The following LSAMP variants were observed in gnomAD, a reference collection of about 807,000 sequenced individuals.
LSAMP encodes the protein limbic system-associated membrane protein.
Under a neutral mutation model 38.6 loss-of-function variants are expected in LSAMP, and 7 were observed. That is an observed-to-expected ratio of 0.18 (90% CI 0.10 to 0.34). LSAMP has a LOEUF of 0.34. Ranked by LOEUF, LSAMP falls within the 10% of genes least tolerant of loss-of-function variation. The probability of loss-of-function intolerance (pLI) is 1.00; values close to 1 mark genes in which losing one functional copy is unlikely to be tolerated. For missense variants in LSAMP, 313 were observed against 420.0 expected, an observed-to-expected ratio of 0.75 and a Z score of 2.23; for synonymous variants, 154 against 166.8, an observed-to-expected ratio of 0.92 and a Z score of 0.59.
intron 3 of LSAMP, among the ~76,000 whole-genome samples, chr3:115,991,791 GA>G (rs11348679): frequency 0.033 from 4,987 of 152,172 alleles, 246 homozygotes; most frequent in African/African-American, 0.11. Flanking sequence ...CTGTTACTAT[GA>G]AAGCAATGCC....
At chr3:115,888,631 G>A (rs112144221) in intron 3 of LSAMP, among the ~76,000 whole-genome samples, 9 of 152,026 alleles carry the variant, frequency 5.9e-5, no homozygotes, top group African/African-American at 2.2e-4. Flanking sequence ...TTTTCTCTGA[G>A]AACCAGACTT....
At chr3:116,114,646 C>T (rs1041738743) in intron 1 of LSAMP, among the ~76,000 whole-genome samples, 1 of 152,136 alleles carries the variant, frequency 6.6e-6, no homozygotes, top group Non-Finnish European at 1.5e-5. Context: ...AAGAGAAATA[C>T]TAACGTTGCT....
chr3:116,016,719 G>A lies in LSAMP; in HGVS notation c.514+2796C>T, dbSNP rs374451626. ...TTTGTAAATGAATGAGCATGGCTGG[G>A]TTGCAGTAAAACTTTATGTGTGTAC... On this transcript the variant is annotated intron_variant, in intron 3 of 6. Transcript: ENST00000490035. Among the ~76,000 whole-genome samples, 4 of 152,274 alleles carry A rather than the reference G, an allele frequency of 2.6e-5. 1 individual carries two copies. Among genetic ancestry groups the A allele is most frequent in the East Asian group, 1.9e-4 (1 of 5,186 alleles).
At chr3:116,444,368 G>A (rs1027835325) in intron 1 of LSAMP, among the ~76,000 whole-genome samples, 4 of 95,596 alleles carry the variant, frequency 4.2e-5, no homozygotes, top group Admixed American at 1.1e-4. Context: ...GTGTGTGTAT[G>A]TGTGTGTGTG....
chr3:116,019,161 G>T (rs113033296), intron 3 of LSAMP, among the ~76,000 whole-genome samples: 58,584 of 134,832 alleles, frequency 0.43, 13,263 homozygotes, highest in African/African-American at 0.52. Flanking sequence ...TGTGGGTGGG[G>T]GGGGGGGGGC....
At chr3:116,050,344 A>G (rs1334784076) in intron 2 of LSAMP, among the ~76,000 whole-genome samples, 3 of 152,038 alleles carry the variant, frequency 2.0e-5, no homozygotes, top group Non-Finnish European at 4.4e-5. Context: ...GCACTGCACT[A>G]TCCCCCTTGA....
intron 1 of LSAMP, among the ~76,000 whole-genome samples, chr3:116,151,596 C>T (rs1709612379): frequency 2.0e-5 from 3 of 151,950 alleles, no homozygotes; most frequent in African/African-American, 2.4e-5. Context: ...CCTCAAGTCG[C>T]TAAGAATTGG....
intron 2 of LSAMP, among the ~76,000 whole-genome samples, chr3:116,069,349 C>T (rs1707542083): frequency 6.6e-6 from 1 of 152,162 alleles, no homozygotes; most frequent in Non-Finnish European, 1.5e-5. Context: ...ATAAATTATG[C>T]ACATACAAAG....
chr3:116,233,890 CCCT>C (rs1221241163), intron 1 of LSAMP, among the ~76,000 whole-genome samples: 2 of 152,116 alleles, frequency 1.3e-5, no homozygotes, highest in African/African-American at 4.8e-5. Context: ...TCTGATTCTC[CCCT>C]CCTCCTTCCA....
chr3:115,848,063 C>G (rs947731109), intron 4 of LSAMP, among the ~76,000 whole-genome samples: 1 of 149,966 alleles, frequency 6.7e-6, no homozygotes, highest in Non-Finnish European at 1.5e-5. Context: ...TAGGATATGT[C>G]TTTACCATTA....
At chr3:116,222,778 C>T (rs2107618586) in intron 1 of LSAMP, among the ~76,000 whole-genome samples, 1 of 131,988 alleles carries the variant, frequency 7.6e-6, no homozygotes, top group East Asian at 2.1e-4. Flanking sequence ...TCTGTTCGCC[C>T]AGGCTGGAGT....
chr3:116,064,045 G>T (rs760320479), intron 2 of LSAMP, among the ~76,000 whole-genome samples: 4 of 152,176 alleles, frequency 2.6e-5, no homozygotes, highest in African/African-American at 7.2e-5. Flanking sequence ...CCTTTTAGGG[G>T]TTTGGTCTCA....
At position 116,260,694 on chromosome 3, in the gene LSAMP, C is replaced by G. The variant is rs140486376; in HGVS notation, c.156-174138G>C. 2.8e-3 allele frequency among the ~76,000 whole-genome samples: 423 copies of G among 152,268 alleles called. 1 individual carries two copies. Among genetic ancestry groups the G allele is most frequent in the African/African-American group, 9.7e-3 (403 of 41,540 alleles). The stretch of plus-strand genomic sequence containing the variant: ...CTTTGCTGCTACACCAGCATAACTT[C>G]CAGGTTTCTAACTCTGGCTCCCTTT... On this transcript the variant is annotated intron_variant, in intron 1 of 6. Transcript: ENST00000490035.
intron 2 of LSAMP, among the ~76,000 whole-genome samples, chr3:116,082,769 A>G (rs1559735703): frequency 6.6e-6 from 1 of 152,196 alleles, no homozygotes; most frequent in Non-Finnish European, 1.5e-5. Context: ...TATCATCCCT[A>G]GTAAACTAAT....
chr3:116,048,704 T>C (rs1396522816), intron 2 of LSAMP, among the ~76,000 whole-genome samples: 1 of 152,238 alleles, frequency 6.6e-6, no homozygotes, highest in African/African-American at 2.4e-5. Context: ...TCCTTTCATA[T>C]TATTTAAACA....
chr3:116,222,767 C>A (rs917664248), intron 1 of LSAMP, among the ~76,000 whole-genome samples: 1 of 98,650 alleles, frequency 1.0e-5, no homozygotes, highest in Non-Finnish European at 1.8e-5. Flanking sequence ...GAGATGGAGT[C>A]TCTGTTCGCC....
At chr3:116,252,526 T>A (rs12492442) in intron 1 of LSAMP, among the ~76,000 whole-genome samples, 118 of 151,890 alleles carry the variant, frequency 7.8e-4, no homozygotes, top group African/African-American at 2.7e-3. Context: ...CAATAATGTA[T>A]GAAAAAAAAA....
chr3:116,138,021 T>C (rs1709288783), intron 1 of LSAMP, among the ~76,000 whole-genome samples: 1 of 152,140 alleles, frequency 6.6e-6, no homozygotes, highest in Non-Finnish European at 1.5e-5. Context: ...TTAGAAGCAG[T>C]GTTGTTCACA....
chr3:115,860,095 C>T (rs575839849), intron 3 of LSAMP, among the ~76,000 whole-genome samples: 93 of 152,218 alleles, frequency 6.1e-4, no homozygotes, highest in Non-Finnish European at 1.1e-3. Flanking sequence ...AGCACAATGT[C>T]GGAACCTATT....
Sources: allele counts gnomAD v4.1 joint callset (sites outside exome capture counted in the v4.1 genomes callset), GRCh38; gene constraint gnomAD v4.1.1; transcripts MANE v1.5; gene names NCBI Gene and HGNC (gene_info 2026-07-23, HGNC 2026-07-21).